CACNA1D: variants seen among roughly 807,000 people sequenced by gnomAD.
CACNA1D encodes voltage-dependent L-type calcium channel subunit alpha-1D.
Under a neutral mutation model 257.1 loss-of-function variants are expected in CACNA1D, and 55 were observed. That is an observed-to-expected ratio of 0.21 (90% confidence interval 0.17 to 0.27). CACNA1D has a LOEUF of 0.27. CACNA1D is among the 10% of genes least tolerant of loss of function. The pLI, the probability that CACNA1D is intolerant of heterozygous loss-of-function variation, is 1.00. For synonymous variants in CACNA1D, 980 were observed against 1,014.9 expected (o/e 0.97, Z 0.65); for missense variants, 1,876 against 2,784.0 (o/e 0.67, Z 7.34).
At chr3:53,498,697 C>T (rs371374881) in intron 2 of CACNA1D, among the ~76,000 whole-genome samples, 7 of 152,258 alleles carry the variant, frequency 4.6e-5, no homozygotes, top group African/African-American at 1.4e-4. Context: ...GGATCTAGCT[C>T]GGCAGCTATT....
At chr3:53,727,372 G>C (rs568589545) in intron 15 of CACNA1D, among the ~76,000 whole-genome samples, 1 of 152,174 alleles carries the variant, frequency 6.6e-6, no homozygotes, top group Admixed American at 6.5e-5. Flanking sequence ...GAGCTTAGGC[G>C]TCCATCTGTG....
chr3:53,800,884 C>T lies in CACNA1D; in HGVS notation c.5041-174C>T. 1.5e-6 allele frequency: 1 copy of T among 671,214 alleles called. No individual in the cohort carries two copies. Among genetic ancestry groups the T allele is most frequent in the Non-Finnish European group, 2.6e-6 (1 of 380,756 alleles). 41.6% of individuals were successfully genotyped at this position (671,214 alleles called of 1,614,324 possible). ...GGTAACCTTCCTCATCTCGGGGGGA[C>T]CAACTGCCACACAGTCACATTCACC... On this transcript the variant is annotated intron_variant, in intron 41 of 47. Transcript: ENST00000350061. The surrounding 1 kb of genome is among the most constrained non-coding windows in gnomAD (Gnocchi z 4.3).
intron 3 of CACNA1D, among the ~76,000 whole-genome samples, chr3:53,552,491 C>G (rs2092554823): frequency 6.6e-6 from 1 of 152,172 alleles, no homozygotes; most frequent in Non-Finnish European, 1.5e-5. Context: ...GGCAATTCTC[C>G]TGCCTCAACC....
chr3:53,760,983 C>T (rs2095298098), intron 29 of CACNA1D, among the ~76,000 whole-genome samples: 2 of 152,176 alleles, frequency 1.3e-5, no homozygotes, highest in African/African-American at 2.4e-5. Context: ...GCCATCAGTA[C>T]GTAAGAGATT....
chr3:53,693,297 C>G (rs1002400430), intron 8 of CACNA1D, among the ~76,000 whole-genome samples: 1 of 152,172 alleles, frequency 6.6e-6, no homozygotes, highest in Non-Finnish European at 1.5e-5. Flanking sequence ...CCCCACCCCA[C>G]TCTGCCTATT....
chr3:53,679,772 A>G (rs898930982), intron 8 of CACNA1D: 9 of 152,212 alleles, frequency 5.9e-5, no homozygotes, highest in African/African-American at 2.2e-4. Flanking sequence ...AATACGTGAA[A>G]GATTTGTTCA....
At chr3:53,643,815 A>T (rs1242292461) in intron 3 of CACNA1D, among the ~76,000 whole-genome samples, 1 of 152,086 alleles carries the variant, frequency 6.6e-6, no homozygotes, top group Non-Finnish European at 1.5e-5. Context: ...AGCCATGTGG[A>T]CTGCTCTTCG....
At chr3:53,750,889 G>T (rs1025257919) in intron 27 of CACNA1D, among the ~76,000 whole-genome samples, 16 of 152,242 alleles carry the variant, frequency 1.1e-4, no homozygotes, top group South Asian at 2.1e-4. Context: ...TTCCCTCTGG[G>T]CCTGCTGCAG....
chr3:53,587,355 T>C (rs548456583), intron 3 of CACNA1D, among the ~76,000 whole-genome samples: 2 of 152,150 alleles, frequency 1.3e-5, no homozygotes, highest in South Asian at 2.1e-4. Context: ...CAACAGGTAA[T>C]AGAGACTCAG....
chr3:53,704,684 G>T (rs928204514), intron 9 of CACNA1D, among the ~76,000 whole-genome samples: 1 of 152,156 alleles, frequency 6.6e-6, no homozygotes, highest in African/African-American at 2.4e-5. Flanking sequence ...CCCTTCACTT[G>T]CAAACTGTAA....
intron 3 of CACNA1D, among the ~76,000 whole-genome samples, chr3:53,556,105 G>A (rs1366771951): frequency 6.6e-6 from 1 of 152,200 alleles, no homozygotes; most frequent in African/African-American, 2.4e-5. Context: ...CCATGTTTAG[G>A]AGTGTGGAGA....
chr3:53,761,489 A>T (rs1050417005), intron 29 of CACNA1D, among the ~76,000 whole-genome samples: 2 of 152,260 alleles, frequency 1.3e-5, no homozygotes, highest in African/African-American at 4.8e-5. Context: ...GCCACAAGGC[A>T]TGGCCTTTGT....
At chr3:53,718,425 G>A in intron 10 of CACNA1D, 37 bp downstream of exon 10, 1 of 1,582,974 alleles carries the variant, frequency 6.3e-7, no homozygotes, top group Non-Finnish European at 8.7e-7. Context: ...TTCCCCTCCT[G>A]TTGTCTCAGA....
chr3:53,673,049 G>T lies in CACNA1D; in HGVS notation c.1143G>T (p.Leu381Phe). The T allele has an allele frequency of 6.4e-7, 1 of 1,551,930 alleles. No homozygotes were observed. The highest frequency in any genetic ancestry group is 1.4e-5 in the African/African-American group (1 of 73,144). ...TGAATGATGCTATGGGATTTGAATT[G>T]CCCTGGGTGTATTTTGTCAGTCTCG... is the stretch of plus-strand genomic sequence containing the variant. ...YWMNDAMGFE[L>F]PWVYFVSLVI... Residue 381 changes from leucine to phenylalanine, a missense_variant, in exon 8 of 48, where the codon TTG becomes TTT. By Grantham distance (22) the Leu-to-Phe change is conservative (BLOSUM62 0). Around this residue, in one of 10 missense-constraint regions of CACNA1D, gnomAD observed 188 missense variants for 390.4 expected, o/e 0.48. Coordinates refer to ENST00000350061, the MANE Select transcript of CACNA1D (RefSeq NM_001128840.3). The surrounding 1 kb of genome is among the most constrained non-coding windows in gnomAD (Gnocchi z 4.1).
intron 9 of CACNA1D, among the ~76,000 whole-genome samples, chr3:53,708,833 C>T (rs1416344963): frequency 6.6e-6 from 1 of 152,190 alleles, no homozygotes; most frequent in Non-Finnish European, 1.5e-5. Flanking sequence ...ACTTCCCCAC[C>T]TCACTGCACA....
Position 53,521,244 on chromosome 3 carries a change from C to T in CACNA1D, c.483+19524C>T, listed in dbSNP as rs138371701. Among the ~76,000 whole-genome samples, 228 of 152,086 alleles carry T rather than the reference C, an allele frequency of 1.5e-3. 2 individuals are homozygous for T. Among genetic ancestry groups the T allele is most frequent in the African/African-American group, 5.0e-3 (207 of 41,518 alleles). The stretch of plus-strand genomic sequence containing the variant: ...TTTTGTAGAGATGGGGGTCCTGCTA[C>T]GTTGCCCAAACTGGTCTTGAAATCC... On this transcript the variant is annotated intron_variant, in intron 3 of 47. Transcript: ENST00000350061.
In CACNA1D at chr3:53,748,248, C is replaced by A. The variant is rs534631454; in HGVS notation, c.3314+800C>A. 1.1e-3 allele frequency among the ~76,000 whole-genome samples: 174 copies of A among 152,336 alleles called. 2 individuals are homozygous for A. Among genetic ancestry groups the A allele is most frequent in the African/African-American group, 4.1e-3 (171 of 41,580 alleles). On this transcript the variant is annotated intron_variant, in intron 26 of 47. Transcript: ENST00000350061. ...TGGAGCTCCCACCCCCAGCTCCTGC[C>A]ATCAGTGTGCAAACACACCTAGAGT...
chr3:53,810,758 C>CAAAAAAAAAAAAAAAAAAAAAAAAAAAA (rs71074934), intron 47 of CACNA1D, among the ~76,000 whole-genome samples: 8 of 68,290 alleles, frequency 1.2e-4, no homozygotes, highest in Admixed American at 1.7e-4. Flanking sequence ...ACTCTTGTCT[C>CAAAAAAAAAAAAAAAAAAAAAAAAAAAA]AAAAAAAAAA....
chr3:53,499,728 G>C (rs2090509319), intron 2 of CACNA1D, among the ~76,000 whole-genome samples: 1 of 152,144 alleles, frequency 6.6e-6, no homozygotes, highest in Admixed American at 6.5e-5. Context: ...AAATTGAAAA[G>C]GAAGAATACC....
Sources: allele counts gnomAD v4.1 joint callset (sites outside exome capture counted in the v4.1 genomes callset), GRCh38; gene constraint gnomAD v4.1.1; regional missense constraint gnomAD v4.1.1; non-coding constraint Gnocchi (gnomAD v3.1); transcripts MANE v1.5; gene names NCBI Gene and HGNC (gene_info 2026-07-23, HGNC 2026-07-21).